JAZF1: variants seen among roughly 807,000 people sequenced by gnomAD.
JAZF1 encodes JAZF zinc finger 1.
A neutral mutation model predicts 26.4 loss-of-function variants in JAZF1; 8 were observed. That is an observed-to-expected ratio of 0.30 (90% CI 0.18 to 0.55). The LOEUF (loss-of-function observed/expected upper bound fraction) is 0.55, where lower values mean the gene tolerates loss of function less well. Among genes scored for constraint, JAZF1 ranks in the 20% least tolerant of loss-of-function variants. The probability of loss-of-function intolerance (pLI) is 0.94; values close to 1 mark genes in which losing one functional copy is unlikely to be tolerated. For synonymous variants in JAZF1, 126 were observed against 122.3 expected (o/e 1.03, Z -0.20); for missense variants, 199 against 322.0 (o/e 0.62, Z 2.92).
At chr7:27,865,542 T>A (rs1041553813) in intron 3 of JAZF1, among the ~76,000 whole-genome samples, 26 of 152,122 alleles carry the variant, frequency 1.7e-4, no homozygotes, top group Non-Finnish European at 2.1e-4. Flanking sequence ...AGAACCAACA[T>A]TTAACCCAGA....
chr7:27,986,961 A>G (rs899929926), intron 2 of JAZF1, among the ~76,000 whole-genome samples: 1 of 152,140 alleles, frequency 6.6e-6, no homozygotes, highest in African/African-American at 2.4e-5. Context: ...TCAGTGCTCA[A>G]TCTTGCCCAG....
rs186291598 is a variant in JAZF1 at position 28,019,167 on chromosome 7, C to G, written c.116-27186G>C. The stretch of plus-strand genomic sequence containing the variant: ...ACTCCAGAAGCCCTCTGCTATTTTC[C>G]CTACCAAATCTTTCCAGAAGCAAAG... On this transcript the variant is annotated intron_variant, in intron 1 of 4. Coordinates refer to ENST00000283928, the MANE Select transcript of JAZF1 (RefSeq NM_175061.4). Among the ~76,000 whole-genome samples the G allele has an allele frequency of 2.9e-3, 435 of 152,312 alleles. 1 individual carries two copies. The highest frequency in any genetic ancestry group is 4.9e-3 in the Non-Finnish European group (334 of 68,034).
rs139113948 is a variant in JAZF1 at position 28,057,217 on chromosome 7, T to C, written c.116-65236A>G. ...ACAATTTGCTAAATAAATGAATTGG[T>C]AATATAAGGAAGATTTCAGCTTGAC... is the stretch of plus-strand genomic sequence containing the variant. On this transcript the variant is annotated intron_variant, in intron 1 of 4. Transcript: ENST00000283928. Among the ~76,000 whole-genome samples, 1,521 of 152,278 alleles carry C rather than the reference T, an allele frequency of 1.0e-2. 23 individuals are homozygous for C. The highest frequency in any genetic ancestry group is 0.035 in the African/African-American group (1,451 of 41,550).
chr7:27,984,426 C>T (rs1785655030), intron 2 of JAZF1, among the ~76,000 whole-genome samples: 1 of 152,112 alleles, frequency 6.6e-6, no homozygotes, highest in African/African-American at 2.4e-5. Flanking sequence ...TATAGGCACC[C>T]AATACAGGAT....
chr7:27,865,260 C>T (rs1377398907), intron 3 of JAZF1, among the ~76,000 whole-genome samples: 1 of 152,154 alleles, frequency 6.6e-6, no homozygotes, highest in Non-Finnish European at 1.5e-5. Context: ...ATGCCAGCTA[C>T]TCAGGAGGCT....
intron 2 of JAZF1, among the ~76,000 whole-genome samples, chr7:27,906,309 G>A (rs61485273): frequency 2.0e-5 from 3 of 152,244 alleles, no homozygotes; most frequent in African/African-American, 2.4e-5. Flanking sequence ...CAGTGGAAAC[G>A]TCCTCATGAA....
intron 1 of JAZF1, among the ~76,000 whole-genome samples, chr7:28,163,087 C>G (rs1366718334): frequency 6.6e-6 from 1 of 152,184 alleles, no homozygotes; most frequent in Non-Finnish European, 1.5e-5. Context: ...GCCTGTTGTG[C>G]TTGTTATACC....
intron 1 of JAZF1, among the ~76,000 whole-genome samples, chr7:28,019,588 A>T (rs548159193): frequency 6.6e-6 from 1 of 152,030 alleles, no homozygotes; most frequent in African/African-American, 2.4e-5. Flanking sequence ...CCTCTGATTG[A>T]TTTATACTGA....
In JAZF1 at chr7:27,832,836, CG is replaced by C. The variant is rs1562755877; in HGVS notation, c.695del (p.Pro232ArgfsTer45). The C allele has an allele frequency of 6.2e-7, 1 of 1,606,988 alleles. No individual in the cohort carries two copies. The highest frequency in any genetic ancestry group is 1.3e-5 in the African/African-American group (1 of 74,818). On this transcript the variant is annotated frameshift_variant, in exon 5 of 5. Transcript: ENST00000283928. LOFTEE classifies it high-confidence loss of function. ...TCTTCCTGATAATCTCAGCCGACACCGGGGGATGGAAATTGATTGTGTGGTG... is the reference window on the plus strand; with the variant it reads ...TCTTCCTGATAATCTCAGCCGACACCGGGGATGGAAATTGATTGTGTGGTG... The part of the protein sequence containing the change: ...LRHHTINFHP[P>X]VSAEIIRKMQ...
intron 1 of JAZF1, among the ~76,000 whole-genome samples, chr7:28,001,353 A>C (rs1048237492): frequency 6.6e-6 from 1 of 151,054 alleles, no homozygotes; most frequent in Non-Finnish European, 1.5e-5. Flanking sequence ...CCCTGTCTCA[A>C]AAAAAACAAA....
At chr7:28,070,813 T>C (rs1050660935) in intron 1 of JAZF1, among the ~76,000 whole-genome samples, 1 of 152,262 alleles carries the variant, frequency 6.6e-6, no homozygotes, top group South Asian at 2.1e-4. Context: ...GTACTCGGGC[T>C]TATTTCTTAC....
intron 1 of JAZF1, among the ~76,000 whole-genome samples, chr7:28,069,198 C>A (rs760338405): frequency 5.9e-5 from 9 of 152,266 alleles, no homozygotes; most frequent in Non-Finnish European, 7.3e-5. Flanking sequence ...GCTATCTGGA[C>A]TCCCAGCTCA....
At chr7:27,944,016 G>T (rs554219811) in intron 2 of JAZF1, among the ~76,000 whole-genome samples, 1 of 152,126 alleles carries the variant, frequency 6.6e-6, no homozygotes, top group African/African-American at 2.4e-5. Flanking sequence ...CCTCCTTGGC[G>T]TGTCCTTCAA....
intron 2 of JAZF1, among the ~76,000 whole-genome samples, chr7:27,967,249 A>C (rs7799801): frequency 0.014 from 2,150 of 152,222 alleles, 59 homozygotes; most frequent in African/African-American, 0.05. Context: ...TGCACCTGAC[A>C]GAGCTTTGGA....
At chr7:28,172,711 C>T (rs1011686865) in intron 1 of JAZF1, among the ~76,000 whole-genome samples, 7 of 152,134 alleles carry the variant, frequency 4.6e-5, no homozygotes, top group East Asian at 3.9e-4. Context: ...TCATGGTACC[C>T]GTTAACACTG....
intron 1 of JAZF1, among the ~76,000 whole-genome samples, chr7:28,061,236 A>G (rs986263296): frequency 1.3e-5 from 2 of 152,244 alleles, no homozygotes; most frequent in Non-Finnish European, 2.9e-5. Flanking sequence ...TATTACTATT[A>G]GATTGTGGTA....
intron 1 of JAZF1, among the ~76,000 whole-genome samples, chr7:28,076,675 G>A (rs980250482): frequency 4.1e-5 from 6 of 147,866 alleles, no homozygotes; most frequent in African/African-American, 1.3e-4. Context: ...GTTTTTCTCC[G>A]GTTTGCTTAC....
chr7:27,944,868 A>T (rs1784902277), intron 2 of JAZF1, among the ~76,000 whole-genome samples: 1 of 152,176 alleles, frequency 6.6e-6, no homozygotes, highest in Admixed American at 6.5e-5. Context: ...CAGAAAAAAA[A>T]AATTGGATCA....
chr7:28,028,808 T>C (rs1190962532), intron 1 of JAZF1, among the ~76,000 whole-genome samples: 1 of 152,204 alleles, frequency 6.6e-6, no homozygotes, highest in East Asian at 1.9e-4. Context: ...GTGAATTAAG[T>C]ATAAAGACAA....
Sources: gnomAD v4.1 joint callset for allele counts (sites outside exome capture counted in the v4.1 genomes callset) on GRCh38, gnomAD v4.1.1 for gene constraint, MANE v1.5 for transcripts, NCBI Gene and HGNC (gene_info 2026-07-23, HGNC 2026-07-21) for gene names.